Variants in HPSE2 observed in about 807,000 individuals in gnomAD.
The protein encoded by HPSE2 is inactive heparanase-2.
A neutral mutation model predicts 60.5 loss-of-function variants in HPSE2; 38 were observed. That is an observed-to-expected ratio of 0.63 (90% CI 0.48 to 0.82). The LOEUF (loss-of-function observed/expected upper bound fraction) is 0.82. Ranked by LOEUF, HPSE2 falls within the 40% of genes least tolerant of loss-of-function variation. The pLI, the probability that HPSE2 is intolerant of heterozygous loss-of-function variation, is 0.00. For synonymous variants in HPSE2, 295 were observed against 293.2 expected, an observed-to-expected ratio of 1.01 and a Z score of -0.06; for missense variants, 713 against 740.4, an observed-to-expected ratio of 0.96 and a Z score of 0.43.
intron 3 of HPSE2, among the ~76,000 whole-genome samples, chr10:99,087,963 C>G (rs977324141): frequency 2.6e-5 from 4 of 151,526 alleles, no homozygotes; most frequent in African/African-American, 7.3e-5. Flanking sequence ...CCTGAACCCC[C>G]CCTTCTCATT....
At chr10:98,768,647 T>C (rs1190457532) in intron 3 of HPSE2, among the ~76,000 whole-genome samples, 1 of 152,220 alleles carries the variant, frequency 6.6e-6, no homozygotes, top group Non-Finnish European at 1.5e-5. Context: ...TCCACATATA[T>C]AAATATGATG....
chr10:98,984,957 T>TA (rs1956302627), intron 3 of HPSE2, among the ~76,000 whole-genome samples: 1 of 152,014 alleles, frequency 6.6e-6, no homozygotes, highest in South Asian at 2.1e-4. Flanking sequence ...AATAAAAAGA[T>TA]ACAGACAAAG....
At chr10:99,166,978 T>C (rs148074376) in intron 2 of HPSE2, among the ~76,000 whole-genome samples, 36 of 151,246 alleles carry the variant, frequency 2.4e-4, no homozygotes, top group African/African-American at 6.8e-4. Flanking sequence ...GATCATACTT[T>C]CTTTTTTTCT....
At chr10:98,895,946 G>T in intron 3 of HPSE2, among the ~76,000 whole-genome samples, 1 of 93,664 alleles carries the variant, frequency 1.1e-5, no homozygotes, top group Admixed American at 1.6e-4. Context: ...GGGGTGGGGG[G>T]AGGGGGGAGG....
chr10:98,899,120 T>C (rs749482623), intron 3 of HPSE2, among the ~76,000 whole-genome samples: 1 of 152,232 alleles, frequency 6.6e-6, no homozygotes, highest in Non-Finnish European at 1.5e-5. Flanking sequence ...AGATTTTGTG[T>C]GCCATGTGGT....
At chr10:98,873,302 A>C (rs1397941004) in intron 3 of HPSE2, among the ~76,000 whole-genome samples, 1 of 152,020 alleles carries the variant, frequency 6.6e-6, no homozygotes, top group Non-Finnish European at 1.5e-5. Flanking sequence ...ATAGGTATAC[A>C]CGTGCCATGG....
At chr10:98,471,933 A>T (rs2133608889) in intron 11 of HPSE2, among the ~76,000 whole-genome samples, 1 of 152,314 alleles carries the variant, frequency 6.6e-6, no homozygotes, top group South Asian at 2.1e-4. Flanking sequence ...GGCAAGAGGA[A>T]CTAAGGGAAT....
At chr10:98,741,207 A>T (rs1949488182) in intron 4 of HPSE2, among the ~76,000 whole-genome samples, 1 of 152,142 alleles carries the variant, frequency 6.6e-6, no homozygotes. Context: ...AGAAATACAC[A>T]TTATTGGCTA....
chr10:98,836,048 A>AAGTGG (rs1449990132), intron 3 of HPSE2, among the ~76,000 whole-genome samples: 1 of 152,246 alleles, frequency 6.6e-6, no homozygotes, highest in African/African-American at 2.4e-5. Flanking sequence ...CCAGCATGAT[A>AAGTGG]AGAAACTCCT....
intron 3 of HPSE2, among the ~76,000 whole-genome samples, chr10:99,136,116 C>T (rs151255184): frequency 8.5e-5 from 13 of 152,182 alleles, no homozygotes; most frequent in Middle Eastern, 3.4e-3. Context: ...AACACCTCTA[C>T]GCAAATAAAC....
intron 3 of HPSE2, among the ~76,000 whole-genome samples, chr10:98,903,046 G>A (rs1321679989): frequency 6.6e-6 from 1 of 152,022 alleles, no homozygotes. Flanking sequence ...CAGCAGAATT[G>A]ATAAATAAGA....
intron 3 of HPSE2, among the ~76,000 whole-genome samples, chr10:99,010,050 A>G (rs1372438506): frequency 2.0e-5 from 3 of 152,174 alleles, no homozygotes; most frequent in African/African-American, 7.2e-5. Flanking sequence ...CTAACAGCAG[A>G]CCCTTAGAAT....
At chr10:98,775,080 C>T (rs543803760) in intron 3 of HPSE2, among the ~76,000 whole-genome samples, 14 of 152,282 alleles carry the variant, frequency 9.2e-5, no homozygotes, top group African/African-American at 2.4e-4. Flanking sequence ...CTGAGAGATA[C>T]AGGCAGAAAC....
intron 4 of HPSE2, among the ~76,000 whole-genome samples, chr10:98,741,508 G>A (rs1001720610): frequency 1.3e-5 from 2 of 151,740 alleles, no homozygotes; most frequent in African/African-American, 4.8e-5. Context: ...TATACAGAAA[G>A]ATGTATATAT....
intron 5 of HPSE2, among the ~76,000 whole-genome samples, chr10:98,694,480 T>C (rs1360407497): frequency 6.6e-6 from 1 of 152,194 alleles, no homozygotes; most frequent in Non-Finnish European, 1.5e-5. Flanking sequence ...GTGTAGAAAG[T>C]TGAGCAGCAC....
rs1941476145 is a variant in HPSE2 at position 98,487,270 on chromosome 10, C to T, written c.1466+2781G>A. ...AGAACAGAAAACAGAAAAGCACCTG[C>T]TGGTGGTGGTATGAGGATCTAACTT... On this transcript the variant is annotated intron_variant, in intron 10 of 11. Coordinates refer to ENST00000370552, the MANE Select transcript of HPSE2 (RefSeq NM_021828.5). Among the ~76,000 whole-genome samples the T allele has an allele frequency of 2.6e-5, 4 of 152,224 alleles. No individual in the cohort carries two copies. The South Asian group carries it at 8.3e-4, about 31-fold the overall frequency.
chr10:98,989,159 G>T (rs1956455632), intron 3 of HPSE2, among the ~76,000 whole-genome samples: 1 of 152,048 alleles, frequency 6.6e-6, no homozygotes, highest in African/African-American at 2.4e-5. Flanking sequence ...TATATCCAAA[G>T]GATTATAAAT....
At chr10:99,069,552 C>T (rs945633835) in intron 3 of HPSE2, among the ~76,000 whole-genome samples, 1 of 151,076 alleles carries the variant, frequency 6.6e-6, no homozygotes, top group Non-Finnish European at 1.5e-5. Context: ...TACAAAAATA[C>T]TTTTTCTTCC....
chr10:98,634,989 A>G (rs1946459901), intron 7 of HPSE2, among the ~76,000 whole-genome samples: 1 of 151,990 alleles, frequency 6.6e-6, no homozygotes, highest in South Asian at 2.1e-4. Flanking sequence ...CCCACCATGG[A>G]CTCCTAGAGC....
Sources: allele counts gnomAD v4.1 joint callset (sites outside exome capture counted in the v4.1 genomes callset), GRCh38; gene constraint gnomAD v4.1.1; transcripts MANE v1.5; gene names NCBI Gene and HGNC (gene_info 2026-07-23, HGNC 2026-07-21).